CNOT10: variants seen among roughly 807,000 people sequenced by gnomAD.
CNOT10 encodes CCR4-NOT transcription complex subunit 10, also known as CCR4-NOT transcription complex, subunit 10.
CNOT10 carries 30 observed loss-of-function variants against 94.6 expected under a neutral mutation model. That is an observed-to-expected ratio of 0.32 (90% CI 0.24 to 0.43). The LOEUF (loss-of-function observed/expected upper bound fraction) is 0.43, where lower values mean the gene tolerates loss of function less well. CNOT10 is among the 20% of genes least tolerant of loss of function. CNOT10 has a pLI of 1.00. For missense variants in CNOT10, 759 were observed against 877.2 expected (o/e 0.87, Z 1.70); for synonymous variants, 289 against 301.6 (o/e 0.96, Z 0.43).
intron 13 of CNOT10, among the ~76,000 whole-genome samples, chr3:32,757,919 T>C (rs1223106504): frequency 1.3e-5 from 2 of 152,230 alleles, no homozygotes; most frequent in Non-Finnish European, 2.9e-5. Flanking sequence ...AATTACATAC[T>C]CAGGGACAAA....
chr3:32,703,476 A>G (rs1423583746), intron 1 of CNOT10, among the ~76,000 whole-genome samples: 1 of 152,178 alleles, frequency 6.6e-6, no homozygotes, highest in East Asian at 1.9e-4. Flanking sequence ...CAACAGTAAT[A>G]AAATAACAGT....
chr3:32,748,267 C>T (rs946163318), intron 13 of CNOT10, among the ~76,000 whole-genome samples: 5 of 152,302 alleles, frequency 3.3e-5, no homozygotes, highest in Middle Eastern at 3.4e-3. Flanking sequence ...AATGTTGTTA[C>T]TATGTCACAG....
intron 5 of CNOT10, among the ~76,000 whole-genome samples, chr3:32,714,669 A>G (rs1165590294): frequency 6.6e-6 from 1 of 152,218 alleles, no homozygotes; most frequent in African/African-American, 2.4e-5. Flanking sequence ...AGATTACGCC[A>G]CTGCACTCCA....
chr3:32,689,699 T>A (rs1283062086), intron 1 of CNOT10, among the ~76,000 whole-genome samples: 1 of 152,088 alleles, frequency 6.6e-6, no homozygotes. Context: ...TGGGCATAGA[T>A]GCTCACACCT....
At chr3:32,717,387 C>A in intron 7 of CNOT10, 150 bp downstream of exon 7, 1 of 475,302 alleles carries the variant, frequency 2.1e-6, no homozygotes, top group South Asian at 4.5e-5. Context: ...AGTAATAATA[C>A]TGTGTCTATA....
chr3:32,714,406 A>G (rs952660206), intron 5 of CNOT10, among the ~76,000 whole-genome samples: 1 of 130,436 alleles, frequency 7.7e-6, no homozygotes, highest in Non-Finnish European at 1.6e-5. Context: ...AAAGTTCTTC[A>G]AAAAAAAAAA....
At chr3:32,754,911 A>T (rs1477260449) in intron 13 of CNOT10, among the ~76,000 whole-genome samples, 2 of 151,642 alleles carry the variant, frequency 1.3e-5, no homozygotes, top group Non-Finnish European at 2.9e-5. Flanking sequence ...AAAAAAAAAA[A>T]TAGATATTTA....
chr3:32,750,254 G>T (rs528107804), intron 13 of CNOT10, among the ~76,000 whole-genome samples: 1 of 152,200 alleles, frequency 6.6e-6, no homozygotes, highest in African/African-American at 2.4e-5. Context: ...CAGCACTGTG[G>T]GAGGCCAAGG....
chr3:32,725,411 A>C (rs1698621126), intron 8 of CNOT10, 39 bp from the exon 9 acceptor site: 1 of 1,583,018 alleles, frequency 6.3e-7, no homozygotes, highest in Non-Finnish European at 8.7e-7. Context: ...ATCAACATTA[A>C]AATTTTTCTG....
chr3:32,704,728 G>T, intron 2 of CNOT10, 83 bp from the exon 3 acceptor site: 1 of 1,406,382 alleles, frequency 7.1e-7, no homozygotes, highest in Non-Finnish European at 9.5e-7. Flanking sequence ...AGATAAAGAT[G>T]AATGAAATAT....
chr3:32,722,416 C>T (rs1413137162), intron 8 of CNOT10, among the ~76,000 whole-genome samples: 1 of 152,192 alleles, frequency 6.6e-6, no homozygotes, highest in African/African-American at 2.4e-5. Context: ...GGTCCACTAA[C>T]ACACAACATG....
At chr3:32,710,942 G>GAACT (rs960121647) in intron 4 of CNOT10, among the ~76,000 whole-genome samples, 3 of 152,058 alleles carry the variant, frequency 2.0e-5, no homozygotes, top group African/African-American at 7.2e-5. Context: ...GGCTGGTCTT[G>GAACT]AACTCCTGGG....
At chr3:32,718,583 C>CAAAA (rs368048572) in intron 7 of CNOT10, among the ~76,000 whole-genome samples, 8 of 73,982 alleles carry the variant, frequency 1.1e-4, no homozygotes, top group East Asian at 8.8e-4. Context: ...GACTCATTCT[C>CAAAA]AAAAAAAAAA....
chr3:32,765,029 A>T (rs763209321), intron 17 of CNOT10: 43 of 1,457,146 alleles, frequency 3.0e-5, no homozygotes, highest in East Asian at 3.0e-5. Context: ...TTTTATTTTA[A>T]AAAAAATTTT....
At chr3:32,745,044 A>G (rs1031242413) in intron 13 of CNOT10, among the ~76,000 whole-genome samples, 2 of 151,852 alleles carry the variant, frequency 1.3e-5, no homozygotes, top group African/African-American at 4.8e-5. Context: ...ATGCCTGGCT[A>G]ATTTTTGTAT....
intron 10 of CNOT10, chr3:32,730,512 G>C (rs1698896286): frequency 6.6e-6 from 1 of 151,992 alleles, no homozygotes. Flanking sequence ...TAATATCTTT[G>C]TGCTTTTCCT....
intron 1 of CNOT10, among the ~76,000 whole-genome samples, chr3:32,686,454 G>T (rs936444934): frequency 1.3e-5 from 2 of 152,156 alleles, no homozygotes; most frequent in Non-Finnish European, 2.9e-5. Context: ...TCTATTTTAG[G>T]TACAGAGGAA....
At chr3:32,759,765 G>C (rs1700366144) in intron 14 of CNOT10, among the ~76,000 whole-genome samples, 194 bp downstream of exon 14, 1 of 152,136 alleles carries the variant, frequency 6.6e-6, no homozygotes, top group East Asian at 1.9e-4. Context: ...CTGAGCGTTA[G>C]GAGACAAAAA....
At chr3:32,712,536 A>G (rs752845862) in intron 4 of CNOT10, among the ~76,000 whole-genome samples, 56 of 152,160 alleles carry the variant, frequency 3.7e-4, no homozygotes, top group Non-Finnish European at 5.4e-4. Flanking sequence ...TTTGAGCATC[A>G]TTGGTGCTCA....
Sources: gnomAD v4.1 joint callset for allele counts (sites outside exome capture counted in the v4.1 genomes callset) on GRCh38, gnomAD v4.1.1 for gene constraint, MANE v1.5 for transcripts, NCBI Gene and HGNC (gene_info 2026-07-23, HGNC 2026-07-21) for gene names.